The following DMBT1 variants were observed in gnomAD, a reference collection of about 807,000 sequenced individuals.
The protein encoded by DMBT1 is deleted in malignant brain tumors 1.
A neutral mutation model predicts 252.9 loss-of-function variants in DMBT1; 198 were observed. The observed-to-expected ratio is 0.78, with a 90% CI of 0.70 to 0.88. The LOEUF (loss-of-function observed/expected upper bound fraction) is 0.88, where lower values mean the gene tolerates loss of function less well. DMBT1 is among the 40% of genes least tolerant of loss of function. The pLI is 0.00. For missense variants in DMBT1, 2,432 were observed against 2,404.7 expected (o/e 1.01, Z -0.24); for synonymous variants, 990 against 942.7 (o/e 1.05, Z -0.92).
chr10:122,592,816 C>G (rs538946649), intron 20 of DMBT1, among the ~76,000 whole-genome samples: 1 of 148,696 alleles, frequency 6.7e-6, no homozygotes, highest in Admixed American at 6.7e-5. Context: ...ACAACCCAGA[C>G]TTTATCCCCT....
At chr10:122,634,448 CTCTCTCT>C (rs2098205520) in intron 52 of DMBT1, among the ~76,000 whole-genome samples, 1 of 77,300 alleles carries the variant, frequency 1.3e-5, no homozygotes, top group African/African-American at 8.0e-5. Flanking sequence ...CTCTCTCTCT[CTCTCTCT>C]CTCTCTCTCT....
intron 54 of DMBT1, among the ~76,000 whole-genome samples, chr10:122,638,650 T>C (rs1843932726): frequency 6.6e-6 from 1 of 152,142 alleles, no homozygotes; most frequent in Admixed American, 6.5e-5. Context: ...TTGCTATGTG[T>C]CCCAGGCTGA....
At chr10:122,642,570 G>A (rs1175982066) in intron 55 of DMBT1, among the ~76,000 whole-genome samples, 4 of 152,280 alleles carry the variant, frequency 2.6e-5, no homozygotes, top group Non-Finnish European at 4.4e-5. Flanking sequence ...TGGAGGGTTC[G>A]CAGGCCAGTG....
Position 122,599,418 on chromosome 10 carries a change from G to T in DMBT1, c.3280+321G>T, listed in dbSNP as rs545856901. Among the ~76,000 whole-genome samples, 5 of 152,318 alleles carry T rather than the reference G, an allele frequency of 3.3e-5. 1 individual carries two copies. In the South Asian group the frequency reaches 1.0e-3, roughly 32 times the overall value. ...AGTAGCACGGTGTGAGGGTATAATG[G>T]ATGCAGGACAGACAGCAAGGCGGGG... On this transcript the variant is annotated intron_variant, in intron 26 of 55. Transcript: ENST00000338354.
chr10:122,629,845 T>A lies in DMBT1; in HGVS notation c.5674T>A (p.Ser1892Thr). 1 of 1,613,984 alleles carries A rather than the reference T, an allele frequency of 6.2e-7. No individual in the cohort carries two copies. The highest frequency in any genetic ancestry group is 8.5e-7 in the Non-Finnish European group (1 of 1,179,850). ...GTCCCCTCTCTCCTCTCTAGGACCC[T>A]CTTCAAATTGTGGTGGCTTCTTATT... ...HPTTTTTARP[S>T]SNCGGFLFYA... Residue 1892 changes from serine (S) to threonine (T), a missense_variant, in exon 47 of 56, where the codon TCT becomes ACT. Ser to Thr is a moderately conservative substitution (Grantham distance 58). Transcript: ENST00000338354.
intron 39 of DMBT1, among the ~76,000 whole-genome samples, chr10:122,616,838 G>A (rs1238049876): frequency 1.7e-5 from 1 of 57,878 alleles, no homozygotes; most frequent in African/African-American, 8.0e-5. Context: ...TCTCTGCTTA[G>A]CCAGAAACCT....
intron 16 of DMBT1, 45 bp downstream of exon 16, chr10:122,586,428 G>A: frequency 6.3e-7 from 1 of 1,581,982 alleles, no homozygotes; most frequent in Non-Finnish European, 8.6e-7. Flanking sequence ...GGTAGATTTT[G>A]CTCAGGAAGG....
chr10:122,565,073 G>T (rs2097579123), intron 1 of DMBT1, among the ~76,000 whole-genome samples: 1 of 152,120 alleles, frequency 6.6e-6, no homozygotes, highest in African/African-American at 2.4e-5. Context: ...AATACTTTGG[G>T]CATGGAAGAA....
chr10:122,640,370 A>T lies in DMBT1; in HGVS notation c.7273A>T (p.Thr2425Ser), dbSNP rs1314748265. The change falls in exon 55 of 56, where the codon ACC becomes TCC. Residue 2425 changes from threonine to serine, a missense_variant. Physicochemically the swap from Thr to Ser is moderately conservative, Grantham distance 58. This residue lies in a region of DMBT1 where 1,162 missense variants were observed against 1,169.0 expected (regional missense o/e 0.99). Transcript: ENST00000338354. Reference protein sequence around the residue: ...AEILHSDAVLTLFVDTCVASP... With the variant: ...AEILHSDAVLSLFVDTCVASP... ...AATCCTCCATTCTGATGCTGTACTG[A>T]CCTTGTTTGTGGACACCTGCGTGGC... The T allele has an allele frequency of 2.5e-6, 4 of 1,613,808 alleles. No individual in the cohort carries two copies. Among genetic ancestry groups the T allele is most frequent in the Admixed American group, 1.7e-5 (1 of 60,004 alleles).
intron 44 of DMBT1, among the ~76,000 whole-genome samples, chr10:122,624,874 A>AT (rs1565925324): frequency 6.7e-6 from 1 of 149,254 alleles, no homozygotes; most frequent in Non-Finnish European, 1.5e-5. Context: ...TTGGGCCTCT[A>AT]TTTTAGTGTG....
chr10:122,592,657 T>G, intron 20 of DMBT1, 62 bp downstream of exon 20: 1 of 1,580,910 alleles, frequency 6.3e-7, no homozygotes, highest in Non-Finnish European at 8.6e-7. Flanking sequence ...AAGAAAATCC[T>G]AATTACATTC....
Position 122,593,592 on chromosome 10 carries a change from A to T in DMBT1, c.2524A>T (p.Ser842Cys), listed in dbSNP as rs1413139991. Residue 842 changes from serine to cysteine, a missense_variant, in exon 21 of 56, where the codon AGT (serine) becomes TGT (cysteine). By Grantham distance (112) the Ser-to-Cys change is moderately radical. Transcript: ENST00000338354. ...CSVSQSRPTP[S>C]PDTWPTSHAS... ...AGTTTCCCAGTCCCGGCCGACACCC[A>T]GTCCAGGTAGGTCCCCAGTGTCCTT... 6.3e-7 allele frequency: 1 copy of T among 1,587,640 alleles called. No individual in the cohort carries two copies. The highest frequency in any genetic ancestry group is 8.6e-7 in the Non-Finnish European group (1 of 1,164,962).
intron 47 of DMBT1, 35 bp from the exon 48 acceptor site, chr10:122,630,253 T>G: frequency 6.3e-7 from 1 of 1,594,104 alleles, no homozygotes; most frequent in African/African-American, 1.3e-5. Context: ...CAATAGGAAT[T>G]TCAATGTTGA....
Position 122,643,184 on chromosome 10 carries a change from G to A in DMBT1, c.7415G>A (p.Arg2472Gln), listed in dbSNP as rs1442969101. Residue 2472 changes from arginine (R) to glutamine (Q), a missense_variant, in exon 56 of 56, where the codon CGG (arginine) becomes CAG (glutamine). Transcript: ENST00000338354. Reference protein sequence around the residue: ...SSPSLRIARFRFRAFHFLNRF... With the variant: ...SSPSLRIARFQFRAFHFLNRF... ...CCATCTCTTCGCATTGCCCGCTTCC[G>A]GTTCAGGGCCTTCCACTTCCTGAAC... 1 of 1,613,886 alleles carries A rather than the reference G, an allele frequency of 6.2e-7. No individual in the cohort carries two copies. Among genetic ancestry groups the A allele is most frequent in the South Asian group, 1.1e-5 (1 of 91,068 alleles).
intron 6 of DMBT1, 96 bp from the exon 7 acceptor site, chr10:122,576,303 A>C: frequency 6.7e-7 from 1 of 1,497,740 alleles, no homozygotes; most frequent in South Asian, 1.3e-5. Context: ...TCTCTCAAAG[A>C]TATCTGCCTA....
chr10:122,630,635 G>A, intron 48 of DMBT1, 145 bp downstream of exon 48: 18 of 960,620 alleles, frequency 1.9e-5, no homozygotes, highest in East Asian at 2.6e-5. Flanking sequence ...GACTGTGTGG[G>A]CAGGCCCTTG....
intron 52 of DMBT1, among the ~76,000 whole-genome samples, chr10:122,634,449 TCTCTCTCTCTCTC>T (rs2098205861): frequency 5.4e-5 from 4 of 74,386 alleles, no homozygotes; most frequent in African/African-American, 3.4e-4. Flanking sequence ...TCTCTCTCTC[TCTCTCTCTCTCTC>T]TCTCTCTCTC....
At chr10:122,564,043 T>C (rs2097570022) in intron 1 of DMBT1, among the ~76,000 whole-genome samples, 1 of 152,230 alleles carries the variant, frequency 6.6e-6, no homozygotes, top group Admixed American at 6.5e-5. Context: ...GCTATCTCTG[T>C]TGAAAGAATG....
intron 43 of DMBT1, 49 bp from the exon 44 acceptor site, chr10:122,621,008 C>T (rs1392059329): frequency 1.2e-6 from 2 of 1,609,446 alleles, no homozygotes; most frequent in South Asian, 1.1e-5. Context: ...TCCTTAAATC[C>T]TTGACCTCAT....
Sources: gnomAD v4.1 joint callset for allele counts (sites outside exome capture counted in the v4.1 genomes callset) on GRCh38, gnomAD v4.1.1 for gene constraint, gnomAD v4.1.1 regional missense constraint, MANE v1.5 for transcripts, NCBI Gene and HGNC (gene_info 2026-07-23, HGNC 2026-07-21) for gene names.